The following D2HGDH variants were observed in gnomAD, a reference collection of about 807,000 sequenced individuals.
D2HGDH encodes the protein D-2-hydroxyglutarate dehydrogenase.
A neutral mutation model predicts 46.9 loss-of-function variants in D2HGDH; 31 were observed. The ratio of observed to expected loss-of-function variants is 0.66; its 90% CI spans 0.50 to 0.89. The LOEUF is 0.89. Among genes scored for constraint, D2HGDH ranks in the 40% least tolerant of loss-of-function variants. The probability of loss-of-function intolerance (pLI) is 0.00; values close to 1 mark genes in which losing one functional copy is unlikely to be tolerated. For synonymous variants in D2HGDH, 364 were observed against 332.6 expected (o/e 1.09, Z -1.03); for missense variants, 698 against 720.8 (o/e 0.97, Z 0.36).
rs1559404382 is a variant in D2HGDH, at chr2:241,767,752, GC to G, written c.1353del (p.Ser452ArgfsTer228). ...LHLNVTAEAF[S>X]PSLLAALEPH... Reference sequence around the variant, plus strand: ...CTCAATGTGACGGCGGAGGCCTTCAGCCCCTCGCTCCTGGCTGCCCTGGAGC... The same window carrying G: ...CTCAATGTGACGGCGGAGGCCTTCAGCCCTCGCTCCTGGCTGCCCTGGAGC... On this transcript the variant is annotated frameshift_variant, in exon 10 of 10. Transcript: ENST00000321264. LOFTEE classifies it high-confidence loss of function. The G allele has an allele frequency of 2.5e-6, 4 of 1,612,838 alleles. No homozygotes were observed. The highest frequency in any genetic ancestry group is 3.4e-6 in the Non-Finnish European group (4 of 1,179,616).
chr2:241,743,587 G>C lies in D2HGDH; in HGVS notation c.491-35G>C. ...TCACCAGCCCGGGGGCCCACTGGAAGCCAAGTGCTGCGGCAGCCTGGTCAC... is the reference window on the plus strand; with the variant it reads ...TCACCAGCCCGGGGGCCCACTGGAACCCAAGTGCTGCGGCAGCCTGGTCAC... On this transcript the variant is annotated intron_variant, in intron 4 of 9. Transcript: ENST00000321264. The surrounding 1 kb of genome is among the most constrained non-coding windows in gnomAD (Gnocchi z 4.8). 1.2e-6 allele frequency: 2 copies of C among 1,602,524 alleles called. No homozygotes were observed. The highest frequency in any genetic ancestry group is 1.7e-6 in the Non-Finnish European group (2 of 1,175,350).
intron 1 of D2HGDH, 31 bp from the exon 2 acceptor site, chr2:241,735,101 TA>T: frequency 1.9e-6 from 2 of 1,063,980 alleles, no homozygotes; most frequent in African/African-American, 1.7e-5. Flanking sequence ...ACAACGTGCA[TA>T]AAACATGAAA....
intron 6 of D2HGDH, among the ~76,000 whole-genome samples, chr2:241,746,940 C>T (rs1233817173): frequency 1.3e-5 from 2 of 151,194 alleles, no homozygotes; most frequent in Non-Finnish European, 2.9e-5. Flanking sequence ...TATAATCAGG[C>T]AATTCCATTT....
At chr2:241,736,095 C>G (rs1692727358) in intron 2 of D2HGDH, 1 of 155,124 alleles carries the variant, frequency 6.4e-6, no homozygotes, top group Non-Finnish European at 1.4e-5. Flanking sequence ...GTGGCTCTGC[C>G]TGTAATCTCA....
chr2:241,768,129 C>T lies in D2HGDH; in HGVS notation c.*160C>T. ...GCACTGGGGAACTGCCGGACGCAGGCCCTCGGGCAGGAGCATCTGGCAGAG... is the reference window on the plus strand; with the variant it reads ...GCACTGGGGAACTGCCGGACGCAGGTCCTCGGGCAGGAGCATCTGGCAGAG... On this transcript the variant is annotated 3_prime_UTR_variant, in exon 10 of 10. Transcript: ENST00000321264. 8.7e-7 allele frequency: 1 copy of T among 1,146,622 alleles called. No individual in the cohort carries two copies. Among genetic ancestry groups the T allele is most frequent in the Non-Finnish European group, 1.2e-6 (1 of 836,516 alleles). 71.0% of individuals were successfully genotyped at this position (1,146,622 alleles called of 1,614,324 possible). A position where few individuals can be genotyped will look rare whatever the true frequency, so the allele number is the denominator to read the frequency against.
chr2:241,760,156 C>T (rs1414645186), intron 9 of D2HGDH, among the ~76,000 whole-genome samples: 3 of 94,884 alleles, frequency 3.2e-5, no homozygotes, highest in African/African-American at 5.6e-5. Flanking sequence ...CCCAATCAGT[C>T]GAAGGCCTTT....
At chr2:241,740,476 T>C (rs1195885397) in intron 2 of D2HGDH, among the ~76,000 whole-genome samples, 3 of 152,228 alleles carry the variant, frequency 2.0e-5, no homozygotes, top group African/African-American at 7.2e-5. Context: ...TACCCACTTC[T>C]GCACACTGTG....
chr2:241,734,947 C>T, intron 1 of D2HGDH, 186 bp from the exon 2 acceptor site: 1 of 404,516 alleles, frequency 2.5e-6, no homozygotes, highest in Non-Finnish European at 4.4e-6. Flanking sequence ...CGAGCCTGCG[C>T]GTCGCTAAGT....
chr2:241,762,827 T>G (rs1479633078), intron 9 of D2HGDH, among the ~76,000 whole-genome samples: 1 of 152,220 alleles, frequency 6.6e-6, no homozygotes, highest in Non-Finnish European at 1.5e-5. Context: ...GGTTTTATAT[T>G]TTTGTCTCTT....
Position 241,743,681 on chromosome 2 carries a change from C to T in D2HGDH, c.550C>T (p.Arg184Trp), listed in dbSNP as rs1374662899. Reference sequence around the variant, plus strand: ...GGAGCTGAGCCGGTATGTGGAGGAACGGGACTTCATCATGCCGCTGGACTT... The same window carrying T: ...GGAGCTGAGCCGGTATGTGGAGGAATGGGACTTCATCATGCCGCTGGACTT... ...LEELSRYVEE[R>W]DFIMPLDLGA... is the part of the protein sequence containing the mutation. The change falls in exon 5 of 10, where the codon CGG (arginine) becomes TGG (tryptophan). Residue 184 changes from arginine to tryptophan, a missense_variant. By Grantham distance (101) the Arg-to-Trp change is moderately radical. Transcript: ENST00000321264. This position sits in a 1 kb window ranked among gnomAD's most constrained non-coding sequence, Gnocchi z 4.8. 21 of 1,614,012 alleles carry T rather than the reference C, an allele frequency of 1.3e-5. No homozygotes were observed. The highest frequency in any genetic ancestry group is 1.7e-4 in the Middle Eastern group (1 of 6,016).
intron 3 of D2HGDH, 47 bp downstream of exon 3, chr2:241,741,137 G>A: frequency 1.3e-6 from 2 of 1,577,268 alleles, no homozygotes; most frequent in Non-Finnish European, 1.7e-6. Context: ...GTTGCCTGTG[G>A]GTCATTTCCT....
Position 241,741,049 on chromosome 2 carries a change from G to T in D2HGDH, c.309G>T (p.Leu103=). ...CTGTCACAGGCTGTAGCAAGGTGCT[G>T]CTGAGGCCACGGACGTCGGAGGAGG... ...LRTLRGCSKV[L]LRPRTSEEVS... is the part of the protein sequence containing the mutation. Residue 103 remains leucine, a synonymous_variant, in exon 3 of 10, where the codon CTG becomes CTT. Coordinates refer to ENST00000321264, the MANE Select transcript of D2HGDH (RefSeq NM_152783.5). 1 of 1,614,066 alleles carries T rather than the reference G, an allele frequency of 6.2e-7. No homozygotes were observed. Among genetic ancestry groups the T allele is most frequent in the Non-Finnish European group, 8.5e-7 (1 of 1,179,998 alleles).
chr2:241,750,091 G>A, intron 6 of D2HGDH, 60 bp from the exon 7 acceptor site: 5 of 1,612,404 alleles, frequency 3.1e-6, no homozygotes, highest in Non-Finnish European at 4.2e-6. Flanking sequence ...CTTTGAAGGG[G>A]GACTTGGGTG....
Position 241,735,481 on chromosome 2 carries a change from A to G in D2HGDH, c.257A>G (p.Gln86Arg), listed in dbSNP as rs767449596. Residue 86 changes from glutamine (Q) to arginine (R), a missense_variant, in exon 2 of 10, where the codon CAG becomes CGG. Coordinates refer to ENST00000321264, the MANE Select transcript of D2HGDH (RefSeq NM_152783.5). ...GGVVTDPEAL[Q>R]APNVDWLRTL... ...GTCGTCACGGACCCGGAAGCGCTGCAGGCTCCCAACGTGGACTGGTTGCGG... is the reference window on the plus strand; with the variant it reads ...GTCGTCACGGACCCGGAAGCGCTGCGGGCTCCCAACGTGGACTGGTTGCGG... The G allele has an allele frequency of 2.9e-5, 47 of 1,608,602 alleles. No homozygotes were observed. Among genetic ancestry groups the G allele is most frequent in the Non-Finnish European group, 3.8e-5 (45 of 1,179,762 alleles).
chr2:241,744,348 C>T (rs1173677100), intron 5 of D2HGDH, among the ~76,000 whole-genome samples: 1 of 152,170 alleles, frequency 6.6e-6, no homozygotes, highest in Non-Finnish European at 1.5e-5. Flanking sequence ...TTGTAAATTA[C>T]TTTTTTGCAC....
intron 8 of D2HGDH, 112 bp from the exon 9 acceptor site, chr2:241,755,737 C>T (rs778261894): frequency 2.7e-5 from 43 of 1,606,646 alleles, no homozygotes; most frequent in Non-Finnish European, 3.6e-5. Context: ...GTCGGAGCCT[C>T]ACCTGGTGAA....
intron 7 of D2HGDH, among the ~76,000 whole-genome samples, chr2:241,750,602 C>G (rs1697010189): frequency 6.6e-6 from 1 of 152,196 alleles, no homozygotes; most frequent in African/African-American, 2.4e-5. Context: ...ACTTTCTTTC[C>G]ATTTCTTCTT....
Position 241,744,999 on chromosome 2 carries a change from G to A in D2HGDH, c.853+122G>A, listed in dbSNP as rs146383281. On this transcript the variant is annotated intron_variant, in intron 6 of 9. Coordinates refer to ENST00000321264, the MANE Select transcript of D2HGDH (RefSeq NM_152783.5). ...CCCCCGCCAAGGACAGTCGGTTCCC[G>A]TGTCTCCTGACATCTCTGCTTCCAA... The A allele has an allele frequency of 1.3e-3, 1,742 of 1,321,788 alleles. 24 individuals carry two copies. The African/African-American group carries it at 0.023, about 17-fold the overall frequency. The allele number at this position is 1,321,788 out of a possible 1,614,324, so 81.9% of individuals were successfully genotyped here. A position where few individuals can be genotyped will look rare whatever the true frequency, so the allele number is the denominator to read the frequency against.
intron 9 of D2HGDH, among the ~76,000 whole-genome samples, chr2:241,760,433 C>T (rs549689614): frequency 1.5e-5 from 2 of 132,404 alleles, no homozygotes; most frequent in East Asian, 2.4e-4. Context: ...TTTGCCACAG[C>T]GTGGGTGGGC....
Sources: gnomAD v4.1 joint callset for allele counts (sites outside exome capture counted in the v4.1 genomes callset) on GRCh38, gnomAD v4.1.1 for gene constraint, Gnocchi (gnomAD v3.1) non-coding constraint, MANE v1.5 for transcripts, NCBI Gene and HGNC (gene_info 2026-07-23, HGNC 2026-07-21) for gene names.